Variants in CTIF observed in about 807,000 individuals in gnomAD.
The protein encoded by CTIF is CBP80/20-dependent translation initiation factor.
In CTIF, 21 loss-of-function variants were observed where a neutral mutation model predicts 66.0. That is an observed-to-expected ratio of 0.32 (90% CI 0.23 to 0.46). CTIF has a LOEUF of 0.46. CTIF is among the 20% of genes least tolerant of loss of function. The pLI, the probability that CTIF is intolerant of heterozygous loss-of-function variation, is 1.00. For missense variants in CTIF, 739 were observed against 812.7 expected, an observed-to-expected ratio of 0.91 and a Z score of 1.10; for synonymous variants, 345 against 326.4, an observed-to-expected ratio of 1.06 and a Z score of -0.62.
At chr18:48,825,546 T>A (rs1419588381) in intron 10 of CTIF, among the ~76,000 whole-genome samples, 2 of 152,246 alleles carry the variant, frequency 1.3e-5, no homozygotes, top group Non-Finnish European at 2.9e-5. Context: ...AAGGCTGAGA[T>A]GAAGCGGGTG....
intron 9 of CTIF, among the ~76,000 whole-genome samples, chr18:48,764,605 AC>A (rs1409206908): frequency 6.6e-6 from 1 of 152,006 alleles, no homozygotes; most frequent in African/African-American, 2.4e-5. Flanking sequence ...CAAGAAGGGA[AC>A]CCCCCACCCA....
chr18:48,689,640 C>A (rs560363058), intron 6 of CTIF, among the ~76,000 whole-genome samples: 1 of 152,192 alleles, frequency 6.6e-6, no homozygotes, highest in Non-Finnish European at 1.5e-5. Context: ...ATAACACAGC[C>A]CCTTTCAGTC....
At chr18:48,575,490 G>T (rs2089510432) in intron 1 of CTIF, among the ~76,000 whole-genome samples, 1 of 152,228 alleles carries the variant, frequency 6.6e-6, no homozygotes, top group East Asian at 1.9e-4. Context: ...GCCTTCAGGG[G>T]TTTAAAGCTG....
chr18:48,740,318 GTT>G (rs1213343809), intron 7 of CTIF, among the ~76,000 whole-genome samples: 2 of 152,186 alleles, frequency 1.3e-5, no homozygotes, highest in Non-Finnish European at 2.9e-5. Flanking sequence ...CTGTAGCCAG[GTT>G]CCTGCCCTTC....
intron 7 of CTIF, among the ~76,000 whole-genome samples, chr18:48,721,919 A>G (rs1168658612): frequency 1.3e-5 from 2 of 152,244 alleles, no homozygotes; most frequent in East Asian, 1.9e-4. Flanking sequence ...TTTCAGCTCT[A>G]CAATGTATTA....
In CTIF at chr18:48,649,348, T is replaced by C. The variant is rs117254386; in HGVS notation, c.252+12663T>C. Among the ~76,000 whole-genome samples, 88 of 152,342 alleles carry C rather than the reference T, an allele frequency of 5.8e-4. 1 individual carries two copies. The East Asian group carries it at 0.014, about 24-fold the overall frequency. On this transcript the variant is annotated intron_variant, in intron 3 of 11. Transcript: ENST00000256413. ...CCCATGCCCATAGAGCCTTACTCAC[T>C]GCTAGCGCAGCAGTCTAACATTGAC...
At chr18:48,679,206 C>G (rs1018612777) in intron 6 of CTIF, among the ~76,000 whole-genome samples, 3 of 152,170 alleles carry the variant, frequency 2.0e-5, no homozygotes, top group Admixed American at 2.0e-4. Context: ...TGTAATTCAC[C>G]CAAAATAATT....
intron 2 of CTIF, among the ~76,000 whole-genome samples, chr18:48,633,574 C>T (rs976556081): frequency 6.6e-6 from 1 of 151,900 alleles, no homozygotes; most frequent in Admixed American, 6.6e-5. Flanking sequence ...TGGTGGCGGG[C>T]ACCTGTAATC....
chr18:48,778,377 G>GA (rs1193244617), intron 9 of CTIF, among the ~76,000 whole-genome samples: 1 of 152,214 alleles, frequency 6.6e-6, no homozygotes, highest in Non-Finnish European at 1.5e-5. Flanking sequence ...ATGTGAGCAG[G>GA]TCAGTCACAA....
At chr18:48,540,510 A>T (rs998121684) in intron 1 of CTIF, among the ~76,000 whole-genome samples, 12 of 147,618 alleles carry the variant, frequency 8.1e-5, no homozygotes, top group Non-Finnish European at 3.0e-5. Context: ...ATGGTAAAAG[A>T]CAATCGGGAG....
At chr18:48,809,847 A>G (rs1274753904) in intron 9 of CTIF, among the ~76,000 whole-genome samples, 2 of 151,720 alleles carry the variant, frequency 1.3e-5, no homozygotes, top group Non-Finnish European at 1.5e-5. Flanking sequence ...ATTTTATTAT[A>G]CTTTTTTTCT....
At chr18:48,797,492 A>AGTG (rs1555695490) in intron 9 of CTIF, among the ~76,000 whole-genome samples, 1 of 129,874 alleles carries the variant, frequency 7.7e-6, no homozygotes, top group African/African-American at 3.1e-5. Context: ...AAAAAAGAAA[A>AGTG]GGGGTGGGGG....
intron 2 of CTIF, among the ~76,000 whole-genome samples, chr18:48,634,619 A>G (rs1320066849): frequency 1.3e-5 from 2 of 152,210 alleles, no homozygotes; most frequent in Non-Finnish European, 1.5e-5. Flanking sequence ...ATGCTGCCTG[A>G]GGCATAGAGA....
At position 48,663,818 on chromosome 18, in the gene CTIF, T is replaced by C; in HGVS notation, c.319T>C (p.Ser107Pro). 2 of 1,614,004 alleles carry C rather than the reference T, an allele frequency of 1.2e-6. No homozygotes were observed. Among genetic ancestry groups the C allele is most frequent in the South Asian group, 2.2e-5 (2 of 91,078 alleles). The change falls in exon 4 of 12, where the codon TCC becomes CCC. Residue 107 changes from serine to proline, a missense_variant. Around this residue, in one of 2 missense-constraint regions of CTIF, gnomAD observed 529 missense variants for 520.3 expected, o/e 1.02. Coordinates refer to ENST00000256413, the MANE Select transcript of CTIF (RefSeq NM_014772.3). ...CATCTGGGCGGCCAACACCTTCGAT[T>C]CCTTCAGGTAACCTCCTCCTCCCTC... ...TDIWAANTFD[S>P]FSGATWDLQP...
At chr18:48,615,775 C>A (rs2090388151) in intron 1 of CTIF, among the ~76,000 whole-genome samples, 1 of 152,220 alleles carries the variant, frequency 6.6e-6, no homozygotes, top group Admixed American at 6.5e-5. Context: ...GGACAGGAGA[C>A]CCCGGGGCAG....
intron 3 of CTIF, among the ~76,000 whole-genome samples, chr18:48,648,390 G>A (rs1469165515): frequency 6.6e-6 from 1 of 151,976 alleles, no homozygotes; most frequent in Non-Finnish European, 1.5e-5. Flanking sequence ...CTGCCCTGCT[G>A]TTCTCCTGCT....
chr18:48,766,603 G>GGCT (rs1445987682), intron 9 of CTIF, among the ~76,000 whole-genome samples: 24 of 152,342 alleles, frequency 1.6e-4, no homozygotes, highest in African/African-American at 5.8e-4. Flanking sequence ...GAACACCACT[G>GGCT]TTGAGGAGAC....
chr18:48,687,553 T>G (rs955147511), intron 6 of CTIF, among the ~76,000 whole-genome samples: 16 of 152,146 alleles, frequency 1.1e-4, no homozygotes, highest in Non-Finnish European at 2.9e-5. Flanking sequence ...ACACCCTGCC[T>G]AGCTTTGTAT....
At chr18:48,622,430 A>G (rs2090514180) in intron 2 of CTIF, among the ~76,000 whole-genome samples, 1 of 151,988 alleles carries the variant, frequency 6.6e-6, no homozygotes, top group Non-Finnish European at 1.5e-5. Flanking sequence ...ACTCAGATCC[A>G]TCTTCATGGA....
Sources: gnomAD v4.1 joint callset for allele counts (sites outside exome capture counted in the v4.1 genomes callset) on GRCh38, gnomAD v4.1.1 for gene constraint, gnomAD v4.1.1 regional missense constraint, MANE v1.5 for transcripts, NCBI Gene and HGNC (gene_info 2026-07-23, HGNC 2026-07-21) for gene names.